Variants in PPP3CA observed in about 807,000 individuals in gnomAD.
The protein encoded by PPP3CA is CAM-PRP catalytic subunit.
In PPP3CA, 14 loss-of-function variants were observed where a neutral mutation model predicts 66.5. That is an observed-to-expected ratio of 0.21 (90% CI 0.14 to 0.33). PPP3CA has a LOEUF of 0.33. PPP3CA is among the 10% of genes least tolerant of loss of function. PPP3CA has a pLI of 1.00. For missense variants in PPP3CA, 317 were observed against 639.5 expected (o/e 0.50, Z 5.44); for synonymous variants, 232 against 226.2 (o/e 1.03, Z -0.23).
At chr4:101,118,359 AGAT>A (rs1484684832) in intron 2 of PPP3CA, among the ~76,000 whole-genome samples, 1 of 151,826 alleles carries the variant, frequency 6.6e-6, no homozygotes, top group African/African-American at 2.4e-5. Flanking sequence ...TCACATGTAA[AGAT>A]GAACATCAAA....
chr4:101,112,331 A>G (rs529876623), intron 2 of PPP3CA, among the ~76,000 whole-genome samples: 20 of 152,312 alleles, frequency 1.3e-4, no homozygotes, highest in Admixed American at 2.6e-4. Context: ...CTTTGTGATA[A>G]GAGATAATCT....
chr4:101,245,101 T>A (rs1209017604), intron 1 of PPP3CA, among the ~76,000 whole-genome samples: 2 of 152,196 alleles, frequency 1.3e-5, no homozygotes, highest in African/African-American at 4.8e-5. Flanking sequence ...TTTTTTTTAA[T>A]GGCTTCCCAT....
chr4:101,043,783 G>A (rs2110213064), intron 10 of PPP3CA, among the ~76,000 whole-genome samples: 1 of 152,216 alleles, frequency 6.6e-6, no homozygotes, highest in South Asian at 2.1e-4. Context: ...GCTAAGGCAG[G>A]AGAATCGGTT....
intron 1 of PPP3CA, among the ~76,000 whole-genome samples, chr4:101,310,096 T>A (rs1426134797): frequency 6.6e-6 from 1 of 152,248 alleles, no homozygotes; most frequent in Non-Finnish European, 1.5e-5. Flanking sequence ...GTAGTACTAC[T>A]GATTGTTGTG....
intron 13 of PPP3CA, among the ~76,000 whole-genome samples, chr4:101,028,276 G>T (rs1166755596): frequency 6.6e-6 from 1 of 152,102 alleles, no homozygotes; most frequent in African/African-American, 2.4e-5. Flanking sequence ...ATTTCCAAAG[G>T]ATATGGTATG....
At chr4:101,166,119 A>G (rs2110311096) in intron 2 of PPP3CA, among the ~76,000 whole-genome samples, 1 of 152,280 alleles carries the variant, frequency 6.6e-6, no homozygotes, top group East Asian at 1.9e-4. Context: ...TGAAACATAT[A>G]CAACAACCAT....
chr4:101,024,623 A>G lies in PPP3CA; in HGVS notation c.*1242T>C, dbSNP rs1170646887. ...AACAGAACAAAATAACTAAACTGTT[A>G]TGACATTAACAGTTGCCATGCATTT... is the stretch of plus-strand genomic sequence containing the variant. On this transcript the variant is annotated 3_prime_UTR_variant, in exon 14 of 14. Coordinates refer to ENST00000394854, the MANE Select transcript of PPP3CA (RefSeq NM_000944.5). The G allele has an allele frequency of 2.6e-5, 4 of 152,678 alleles. No individual in the cohort carries two copies. Among genetic ancestry groups the G allele is most frequent in the African/African-American group, 7.2e-5 (3 of 41,466 alleles). The allele number at this position is 152,678 out of a possible 1,614,324, so 9.5% of individuals were successfully genotyped here.
At chr4:101,217,932 A>G (rs932459929) in intron 1 of PPP3CA, among the ~76,000 whole-genome samples, 2 of 152,098 alleles carry the variant, frequency 1.3e-5, no homozygotes, top group Non-Finnish European at 2.9e-5. Context: ...GGGTAGACAC[A>G]GGCCAGACAG....
chr4:101,124,899 G>C (rs1213058774), intron 2 of PPP3CA, among the ~76,000 whole-genome samples: 1 of 152,116 alleles, frequency 6.6e-6, no homozygotes, highest in Non-Finnish European at 1.5e-5. Context: ...TATTAAAGTA[G>C]CTAAATATTC....
At chr4:101,103,441 G>A (rs1263577003) in intron 3 of PPP3CA, among the ~76,000 whole-genome samples, 6 of 152,198 alleles carry the variant, frequency 3.9e-5, no homozygotes, top group Non-Finnish European at 8.8e-5. Context: ...TAGACAGGCA[G>A]CAGTGGAAGA....
chr4:101,149,298 T>C (rs1723061333), intron 2 of PPP3CA, among the ~76,000 whole-genome samples: 1 of 152,178 alleles, frequency 6.6e-6, no homozygotes, highest in African/African-American at 2.4e-5. Context: ...TATCACATAA[T>C]TCTCCTAAGT....
chr4:101,046,344 A>G (rs1727766045), intron 10 of PPP3CA, among the ~76,000 whole-genome samples: 1 of 152,086 alleles, frequency 6.6e-6, no homozygotes, highest in Non-Finnish European at 1.5e-5. Flanking sequence ...AAAAATTGTT[A>G]TTGTTATTGA....
At chr4:101,065,599 C>T (rs1394593925) in intron 8 of PPP3CA, among the ~76,000 whole-genome samples, 2 of 152,066 alleles carry the variant, frequency 1.3e-5, no homozygotes, top group Admixed American at 1.3e-4. Flanking sequence ...GATCATGCAA[C>T]CAGTAACTGA....
intron 2 of PPP3CA, among the ~76,000 whole-genome samples, chr4:101,189,026 T>A (rs1724502984): frequency 6.6e-6 from 1 of 152,148 alleles, no homozygotes; most frequent in African/African-American, 2.4e-5. Context: ...GATTCTTCTG[T>A]AAGAAACAAC....
At chr4:101,309,524 A>G (rs1483788246) in intron 1 of PPP3CA, among the ~76,000 whole-genome samples, 1 of 152,178 alleles carries the variant, frequency 6.6e-6, no homozygotes, top group East Asian at 1.9e-4. Context: ...GCACAGTTCC[A>G]TAAACTCATC....
At chr4:101,333,110 T>G (rs1265361498) in intron 1 of PPP3CA, among the ~76,000 whole-genome samples, 1 of 146,560 alleles carries the variant, frequency 6.8e-6, no homozygotes, top group East Asian at 2.0e-4. Flanking sequence ...TTTCTTTTTT[T>G]TTTTTTTTTT....
At chr4:101,299,305 G>A (rs1431935675) in intron 1 of PPP3CA, among the ~76,000 whole-genome samples, 12 of 151,412 alleles carry the variant, frequency 7.9e-5, no homozygotes, top group Admixed American at 5.3e-4. Flanking sequence ...CATTAGTCCT[G>A]CAGTCCTTGT....
intron 8 of PPP3CA, among the ~76,000 whole-genome samples, chr4:101,077,876 A>T (rs1729261127): frequency 6.6e-6 from 1 of 152,032 alleles, no homozygotes; most frequent in Non-Finnish European, 1.5e-5. Context: ...ACTATACAAA[A>T]AGAAGAAATA....
intron 1 of PPP3CA, among the ~76,000 whole-genome samples, chr4:101,233,785 G>T (rs1479598494): frequency 6.6e-6 from 1 of 151,050 alleles, no homozygotes; most frequent in East Asian, 2.0e-4. Flanking sequence ...GTGCAGGTTT[G>T]TGATATAGGT....
Sources: gnomAD v4.1 joint callset for allele counts (sites outside exome capture counted in the v4.1 genomes callset) on GRCh38, gnomAD v4.1.1 for gene constraint, MANE v1.5 for transcripts, NCBI Gene and HGNC (gene_info 2026-07-23, HGNC 2026-07-21) for gene names.